Variants in XRCC5 observed in about 807,000 individuals in gnomAD.
XRCC5 encodes DNA repair protein Ku80.
In XRCC5, 12 loss-of-function variants were observed where a neutral mutation model predicts 95.7. That is an observed-to-expected ratio of 0.13 (90% CI 0.08 to 0.20). The LOEUF is 0.20. Among genes scored for constraint, XRCC5 ranks in the 10% least tolerant of loss-of-function variants. The pLI is 1.00. For missense variants in XRCC5, 595 were observed against 873.9 expected (o/e 0.68, Z 4.02); for synonymous variants, 281 against 290.3 (o/e 0.97, Z 0.33).
chr2:216,205,368 A>G lies in XRCC5; in HGVS notation c.*166A>G, dbSNP rs751805197. ...AATTCTCTGTGGAATGAATACACAC[A>G]TATATATTACAAGGGATAATTTAGA... On this transcript the variant is annotated 3_prime_UTR_variant, in exon 21 of 21. Coordinates refer to ENST00000392132, the MANE Select transcript of XRCC5 (RefSeq NM_021141.4). 33 of 733,482 alleles carry G rather than the reference A, an allele frequency of 4.5e-5. No homozygotes were observed. The highest frequency in any genetic ancestry group is 7.0e-5 in the Non-Finnish European group (29 of 414,464). The allele number at this position is 733,482 out of a possible 1,614,324, so 45.4% of individuals were successfully genotyped here.
intron 3 of XRCC5, 81 bp downstream of exon 3, chr2:216,116,923 A>T: frequency 6.7e-7 from 1 of 1,490,838 alleles, no homozygotes; most frequent in African/African-American, 1.4e-5. Context: ...AGACACCCCC[A>T]GAGTTTCAGC....
At chr2:216,176,373 C>T (rs1689276732) in intron 16 of XRCC5, among the ~76,000 whole-genome samples, 3 of 152,208 alleles carry the variant, frequency 2.0e-5, no homozygotes, top group Admixed American at 2.0e-4. Flanking sequence ...CCCACCTTGG[C>T]CTCCCAAAGT....
intron 16 of XRCC5, among the ~76,000 whole-genome samples, chr2:216,184,961 G>A (rs747762310): frequency 5.9e-5 from 9 of 152,128 alleles, no homozygotes; most frequent in Non-Finnish European, 1.2e-4. Flanking sequence ...CCAGGCTCCT[G>A]TGTCTAAAGA....
chr2:216,189,519 A>C (rs887015765), intron 16 of XRCC5, among the ~76,000 whole-genome samples: 1 of 152,228 alleles, frequency 6.6e-6, no homozygotes, highest in Non-Finnish European at 1.5e-5. Context: ...CTACTTTGGA[A>C]ATGATAACAC....
At chr2:216,178,977 A>G (rs1443071540) in intron 16 of XRCC5, among the ~76,000 whole-genome samples, 1 of 152,254 alleles carries the variant, frequency 6.6e-6, no homozygotes, top group Non-Finnish European at 1.5e-5. Context: ...AGATACAGAC[A>G]GTAAACAAAT....
chr2:216,169,313 A>G (rs865890231), intron 16 of XRCC5, among the ~76,000 whole-genome samples: 1 of 152,260 alleles, frequency 6.6e-6, no homozygotes, highest in African/African-American at 2.4e-5. Context: ...TATTACAGTT[A>G]GACCCTGTAC....
chr2:216,155,963 C>G (rs1688834683), intron 14 of XRCC5, among the ~76,000 whole-genome samples: 1 of 152,088 alleles, frequency 6.6e-6, no homozygotes, highest in Non-Finnish European at 1.5e-5. Context: ...ACTGAATTCC[C>G]TATACCTGAG....
chr2:216,187,861 TC>T (rs1553579201), intron 16 of XRCC5, among the ~76,000 whole-genome samples: 13 of 116,276 alleles, frequency 1.1e-4, no homozygotes, highest in Non-Finnish European at 1.2e-4. Flanking sequence ...TCTCTCTCTC[TC>T]CCCGTCTCCC....
At chr2:216,175,968 C>T (rs747628172) in intron 16 of XRCC5, 7 of 300,250 alleles carry the variant, frequency 2.3e-5, no homozygotes, top group South Asian at 9.9e-5. Context: ...CTCCTCTTGG[C>T]GGCAGTGGCA....
chr2:216,173,102 ATTAG>A (rs1326154986), intron 16 of XRCC5, among the ~76,000 whole-genome samples: 13 of 152,094 alleles, frequency 8.5e-5, no homozygotes, highest in African/African-American at 3.1e-4. Context: ...TATTAAACTT[ATTAG>A]TTCTTGTGGT....
At chr2:216,137,370 G>GAACT in intron 11 of XRCC5, 145 bp downstream of exon 11, 1 of 940,394 alleles carries the variant, frequency 1.1e-6, no homozygotes, top group Non-Finnish European at 1.4e-6. Context: ...GCAGGGCCCA[G>GAACT]ATTCTCTGTT....
intron 8 of XRCC5, among the ~76,000 whole-genome samples, chr2:216,128,619 A>G (rs1696932183): frequency 6.6e-6 from 1 of 152,240 alleles, no homozygotes. Context: ...TGATCCTAGT[A>G]TAATGACTGG....
At chr2:216,190,104 A>G (rs1689587049) in intron 16 of XRCC5, 121 bp from the exon 17 acceptor site, 4 of 690,204 alleles carry the variant, frequency 5.8e-6, no homozygotes, top group South Asian at 2.7e-5. Flanking sequence ...AAGTATGGCA[A>G]TTGTGCTTGC....
chr2:216,187,559 G>A (rs964564062), intron 16 of XRCC5, among the ~76,000 whole-genome samples: 7 of 143,592 alleles, frequency 4.9e-5, no homozygotes, highest in African/African-American at 1.8e-4. Context: ...CAGGAAGCTG[G>A]TTGTTTTGGT....
chr2:216,185,123 T>C (rs528907389), intron 16 of XRCC5, among the ~76,000 whole-genome samples: 1 of 152,310 alleles, frequency 6.6e-6, no homozygotes, highest in South Asian at 2.1e-4. Context: ...ATTTATACCC[T>C]TTTCTTTTTC....
intron 1 of XRCC5, among the ~76,000 whole-genome samples, chr2:216,111,647 A>T (rs755060415): frequency 2.6e-5 from 4 of 152,158 alleles, no homozygotes; most frequent in Non-Finnish European, 4.4e-5. Context: ...ATTCTTCCCT[A>T]AGCTGCTCAT....
intron 5 of XRCC5, among the ~76,000 whole-genome samples, chr2:216,119,397 G>T (rs1696766816): frequency 6.6e-6 from 1 of 152,214 alleles, no homozygotes; most frequent in Admixed American, 6.5e-5. Flanking sequence ...GAAGAATTGA[G>T]CTTAGTGGCA....
chr2:216,171,848 T>C (rs990482638), intron 16 of XRCC5, among the ~76,000 whole-genome samples: 6 of 152,210 alleles, frequency 3.9e-5, no homozygotes, highest in Middle Eastern at 3.2e-3. Context: ...ATTGCACTTA[T>C]TAATTCTACT....
chr2:216,128,196 G>A (rs1448441389), intron 8 of XRCC5, among the ~76,000 whole-genome samples: 1 of 152,092 alleles, frequency 6.6e-6, no homozygotes, highest in Non-Finnish European at 1.5e-5. Context: ...TGTCTAGATG[G>A]CATCTTTATC....
Sources: allele counts gnomAD v4.1 joint callset (sites outside exome capture counted in the v4.1 genomes callset), GRCh38; gene constraint gnomAD v4.1.1; transcripts MANE v1.5; gene names NCBI Gene and HGNC (gene_info 2026-07-23, HGNC 2026-07-21).